The following DPP6 variants were observed in gnomAD, a reference collection of about 807,000 sequenced individuals.
DPP6 encodes the protein dipeptidyl peptidase like 6.
Under a neutral mutation model 122.6 loss-of-function variants are expected in DPP6, and 69 were observed. The ratio of observed to expected loss-of-function variants is 0.56; its 90% CI spans 0.46 to 0.69. The LOEUF (loss-of-function observed/expected upper bound fraction) is 0.69. Among genes scored for constraint, DPP6 ranks in the 30% least tolerant of loss-of-function variants. The pLI is 0.00. For missense variants in DPP6, 928 were observed against 1,116.9 expected, an observed-to-expected ratio of 0.83 and a Z score of 2.41; for synonymous variants, 418 against 433.1, an observed-to-expected ratio of 0.97 and a Z score of 0.43.
chr7:154,348,220 T>C (rs1810559875), intron 1 of DPP6, among the ~76,000 whole-genome samples: 1 of 152,206 alleles, frequency 6.6e-6, no homozygotes, highest in Non-Finnish European at 1.5e-5. Flanking sequence ...ATACTTATAT[T>C]AATTTTTTAA....
At chr7:153,796,919 G>T in the DPP6 span, among the ~76,000 whole-genome samples, 1 of 152,178 alleles carries the variant, frequency 6.6e-6, no homozygotes, top group Non-Finnish European at 1.5e-5. Flanking sequence ...TTGAAGAGAT[G>T]CCACCTTCAA....
At chr7:154,027,809 C>T (rs1311890210) in intron 1 of DPP6, among the ~76,000 whole-genome samples, 1 of 151,906 alleles carries the variant, frequency 6.6e-6, no homozygotes, top group African/African-American at 2.4e-5. Flanking sequence ...CCCTCCTCTC[C>T]TTTCCTCTTC....
At chr7:154,148,143 C>T (rs1297689691) in intron 1 of DPP6, among the ~76,000 whole-genome samples, 1 of 146,292 alleles carries the variant, frequency 6.8e-6, no homozygotes, top group African/African-American at 2.7e-5. Context: ...GGCTGTGGCC[C>T]GCAAAGTCTG....
intron 1 of DPP6, among the ~76,000 whole-genome samples, chr7:154,103,805 T>G (rs1431314653): frequency 6.6e-6 from 1 of 152,222 alleles, no homozygotes; most frequent in Non-Finnish European, 1.5e-5. Flanking sequence ...CTCCTGCCCT[T>G]GGACATCAGA....
chr7:154,581,269 G>A (rs548654142), intron 5 of DPP6, among the ~76,000 whole-genome samples: 6 of 152,204 alleles, frequency 3.9e-5, no homozygotes, highest in Non-Finnish European at 8.8e-5. Flanking sequence ...GTGCACTTGG[G>A]GAAGGTGGAG....
chr7:154,721,662 T>C (rs1164346139), intron 7 of DPP6, among the ~76,000 whole-genome samples: 13 of 152,182 alleles, frequency 8.5e-5, no homozygotes, highest in Admixed American at 8.5e-4. Context: ...AAGCTAGACC[T>C]GATCATAATT....
intron 19 of DPP6, among the ~76,000 whole-genome samples, chr7:154,873,964 GCATA>G (rs200984513): frequency 0.17 from 24,607 of 148,128 alleles, 2,164 homozygotes; most frequent in East Asian, 0.52. Flanking sequence ...ACACGCACCT[GCATA>G]CATAAGCACA....
intron 1 of DPP6, among the ~76,000 whole-genome samples, chr7:154,404,831 G>A (rs1273273972): frequency 3.3e-5 from 5 of 152,158 alleles, no homozygotes; most frequent in African/African-American, 7.2e-5. Context: ...GAAATTCCAC[G>A]TCTAGAAATT....
At chr7:154,304,908 G>A (rs1806156034) in intron 1 of DPP6, among the ~76,000 whole-genome samples, 1 of 152,178 alleles carries the variant, frequency 6.6e-6, no homozygotes, top group South Asian at 2.1e-4. Context: ...CTGCGTGGGG[G>A]CCGCAGGTTC....
intron 1 of DPP6, among the ~76,000 whole-genome samples, chr7:154,219,778 G>A (rs748390974): frequency 6.6e-6 from 1 of 152,082 alleles, no homozygotes; most frequent in East Asian, 1.9e-4. Flanking sequence ...GTAGAGACAT[G>A]GTTTCACCAT....
intron 1 of DPP6, among the ~76,000 whole-genome samples, chr7:154,185,198 A>G (rs543765601): frequency 6.6e-6 from 1 of 152,380 alleles, no homozygotes; most frequent in East Asian, 1.9e-4. Context: ...ATTGTAGGCT[A>G]TTAACATAAT....
intron 1 of DPP6, among the ~76,000 whole-genome samples, chr7:154,017,688 A>C (rs1798486407): frequency 6.7e-6 from 1 of 149,332 alleles, no homozygotes; most frequent in African/African-American, 2.5e-5. Context: ...TGACAGAGTG[A>C]GCCCTTGTCC....
chr7:154,892,002 A>G (rs887594972), intron 25 of DPP6, among the ~76,000 whole-genome samples: 8 of 152,092 alleles, frequency 5.3e-5, no homozygotes, highest in Non-Finnish European at 1.0e-4. Flanking sequence ...GAGCTTCCCA[A>G]TGTTTTCACC....
chr7:154,366,620 T>C (rs531713384), intron 1 of DPP6, among the ~76,000 whole-genome samples: 17 of 152,326 alleles, frequency 1.1e-4, no homozygotes, highest in African/African-American at 3.6e-4. Flanking sequence ...CCCCAAGTGA[T>C]TGCAGTGTAC....
At chr7:154,293,371 G>C (rs1036302567) in intron 1 of DPP6, among the ~76,000 whole-genome samples, 1 of 152,150 alleles carries the variant, frequency 6.6e-6, no homozygotes, top group Admixed American at 6.5e-5. Flanking sequence ...TGATCCCCAA[G>C]TGTTTTAAGC....
At chr7:154,574,574 GGT>G (rs1432041626) in intron 5 of DPP6, among the ~76,000 whole-genome samples, 2 of 141,994 alleles carry the variant, frequency 1.4e-5, no homozygotes, top group African/African-American at 2.6e-5. Flanking sequence ...ATAAGTGTGT[GGT>G]GTGTGTGTAT....
intron 7 of DPP6, among the ~76,000 whole-genome samples, chr7:154,701,050 C>T (rs1840496241): frequency 6.6e-6 from 1 of 152,168 alleles, no homozygotes; most frequent in Admixed American, 6.5e-5. Context: ...TGTCTCCACT[C>T]ACCAAAATAG....
intron 1 of DPP6, among the ~76,000 whole-genome samples, chr7:153,971,481 A>G (rs71545699): frequency 0.057 from 7,421 of 130,926 alleles, 267 homozygotes; most frequent in South Asian, 0.075. Flanking sequence ...GAAGTGTGAG[A>G]GATTAAATCT....
intron 8 of DPP6, among the ~76,000 whole-genome samples, chr7:154,754,500 G>A (rs997412603): frequency 6.6e-6 from 1 of 152,022 alleles, no homozygotes. Context: ...ATCAGTTTTG[G>A]CAAAATACTA....
Sources: gnomAD v4.1 joint callset for allele counts (sites outside exome capture counted in the v4.1 genomes callset) on GRCh38, gnomAD v4.1.1 for gene constraint, MANE v1.5 for transcripts, NCBI Gene and HGNC (gene_info 2026-07-23, HGNC 2026-07-21) for gene names.